Variants in DIAPH3 observed in about 807,000 individuals in gnomAD.
DIAPH3 encodes the protein protein diaphanous homolog 3.
A neutral mutation model predicts 144.3 loss-of-function variants in DIAPH3; 117 were observed. The observed-to-expected ratio is 0.81, with a 90% confidence interval of 0.70 to 0.95. DIAPH3 has a LOEUF of 0.95. Ranked by LOEUF, DIAPH3 falls within the 40% of genes least tolerant of loss-of-function variation. The pLI is 0.00. For synonymous variants in DIAPH3, 519 were observed against 488.9 expected, an observed-to-expected ratio of 1.06 and a Z score of -0.81; for missense variants, 1,421 against 1,412.7, an observed-to-expected ratio of 1.01 and a Z score of -0.09.
chr13:59,905,554 A>G (rs751306108), intron 20 of DIAPH3, among the ~76,000 whole-genome samples: 6 of 152,122 alleles, frequency 3.9e-5, no homozygotes, highest in Non-Finnish European at 5.9e-5. Flanking sequence ...TCCCTGTTAT[A>G]GGCAAAATAA....
chr13:59,774,188 C>T lies in DIAPH3; in HGVS notation c.3319+1G>A, dbSNP rs780930028. The stretch of plus-strand genomic sequence containing the variant: ...TGCAATTTATAAATACGGTTTATTA[C>T]CATGGTTACAAACTTTCAGAACAGG... On this transcript the variant is annotated splice_donor_variant, in intron 27 of 27. Coordinates refer to ENST00000400324, the MANE Select transcript of DIAPH3 (RefSeq NM_001042517.2). LOFTEE classifies it high-confidence loss of function. 16 of 1,612,372 alleles carry T rather than the reference C, an allele frequency of 9.9e-6. No individual in the cohort carries two copies. Among genetic ancestry groups the T allele is most frequent in the African/African-American group, 1.3e-5 (1 of 74,790 alleles).
chr13:59,894,425 T>G (rs1476293606), intron 20 of DIAPH3, among the ~76,000 whole-genome samples: 3 of 151,862 alleles, frequency 2.0e-5, no homozygotes, highest in Non-Finnish European at 4.4e-5. Context: ...GAGAGATCAT[T>G]AATGAGGCCA....
chr13:60,062,595 A>T (rs2056815652), intron 4 of DIAPH3, among the ~76,000 whole-genome samples: 1 of 152,174 alleles, frequency 6.6e-6, no homozygotes, highest in Admixed American at 6.6e-5. Flanking sequence ...TGAACATGTC[A>T]GATTCTTAAG....
intron 27 of DIAPH3, among the ~76,000 whole-genome samples, chr13:59,752,169 G>A (rs1427635777): frequency 6.6e-6 from 1 of 152,082 alleles, no homozygotes; most frequent in Non-Finnish European, 1.5e-5. Flanking sequence ...GCTTTGCATG[G>A]CTTGTTTAAT....
chr13:59,817,876 T>A (rs1162027228), intron 24 of DIAPH3, among the ~76,000 whole-genome samples: 2 of 151,994 alleles, frequency 1.3e-5, no homozygotes, highest in Non-Finnish European at 2.9e-5. Flanking sequence ...CTCCCTTGAC[T>A]AAAATAAAGA....
chr13:59,814,760 G>A (rs144993906), intron 24 of DIAPH3, among the ~76,000 whole-genome samples: 1 of 152,268 alleles, frequency 6.6e-6, no homozygotes. Flanking sequence ...AAACCGCACT[G>A]CCTCCAACTA....
chr13:60,009,079 T>C (rs2053070861), intron 8 of DIAPH3, among the ~76,000 whole-genome samples: 1 of 152,202 alleles, frequency 6.6e-6, no homozygotes, highest in Admixed American at 6.5e-5. Context: ...GTTTATGTGG[T>C]GGGCACCATA....
chr13:59,854,966 G>C (rs1364754317), intron 22 of DIAPH3, among the ~76,000 whole-genome samples: 2 of 152,166 alleles, frequency 1.3e-5, no homozygotes, highest in Non-Finnish European at 2.9e-5. Flanking sequence ...TTCAGGAAAT[G>C]TTCCTAGCTC....
Position 59,939,835 on chromosome 13 carries a change from C to CGTGTGTGTGT in DIAPH3, c.2075-14975_2075-14966dup, listed in dbSNP as rs3220859. Reference sequence around the variant, plus strand: ...ATATGTATCTACAGGGAGAATGAGGCGTGTGTGTGTGTGTGTGTGTGTGTG... The same window carrying CGTGTGTGTGT: ...ATATGTATCTACAGGGAGAATGAGGCGTGTGTGTGTGTGTGTGTGTGTGTGTGTGTGTGTG... On this transcript the variant is annotated intron_variant, in intron 17 of 27. Coordinates refer to ENST00000400324, the MANE Select transcript of DIAPH3 (RefSeq NM_001042517.2). 7.9e-3 allele frequency among the ~76,000 whole-genome samples: 1,155 copies of CGTGTGTGTGT among 146,758 alleles called. 8 individuals carry two copies. The highest frequency in any genetic ancestry group is 8.9e-3 in the East Asian group (43 of 4,820).
intron 4 of DIAPH3, among the ~76,000 whole-genome samples, chr13:60,051,710 G>GA (rs1178383983): frequency 6.6e-6 from 1 of 152,154 alleles, no homozygotes; most frequent in African/African-American, 2.4e-5. Flanking sequence ...CAGCTGCAAG[G>GA]AAAGTTTATC....
At chr13:59,795,074 C>A (rs2039521142) in intron 25 of DIAPH3, among the ~76,000 whole-genome samples, 1 of 152,244 alleles carries the variant, frequency 6.6e-6, no homozygotes, top group South Asian at 2.1e-4. Context: ...CATCTCCTCA[C>A]TCTGTGTGGG....
chr13:59,782,860 C>T (rs2038811109), intron 25 of DIAPH3, among the ~76,000 whole-genome samples: 1 of 152,092 alleles, frequency 6.6e-6, no homozygotes, highest in African/African-American at 2.4e-5. Flanking sequence ...CTAAAGCTGT[C>T]AGGAAAGCTG....
At chr13:60,027,151 C>T (rs1237052363) in intron 5 of DIAPH3, among the ~76,000 whole-genome samples, 1 of 152,168 alleles carries the variant, frequency 6.6e-6, no homozygotes, top group Admixed American at 6.5e-5. Context: ...TGACTAAATA[C>T]TTAAAATGAA....
chr13:59,853,332 T>C (rs2043086333), intron 22 of DIAPH3, among the ~76,000 whole-genome samples: 1 of 152,188 alleles, frequency 6.6e-6, no homozygotes, highest in Non-Finnish European at 1.5e-5. Context: ...CTGATATGGT[T>C]TGGATTTGTG....
At chr13:59,700,623 T>A (rs2034056393) in intron 27 of DIAPH3, among the ~76,000 whole-genome samples, 1 of 152,202 alleles carries the variant, frequency 6.6e-6, no homozygotes, top group South Asian at 2.1e-4. Flanking sequence ...CCTCCATGCC[T>A]CTTTCCATGG....
chr13:59,944,547 T>C (rs572719550), intron 17 of DIAPH3, among the ~76,000 whole-genome samples: 1 of 152,208 alleles, frequency 6.6e-6, no homozygotes, highest in Admixed American at 6.5e-5. Context: ...AACTGGAGAA[T>C]AGGAACACTT....
At chr13:59,672,324 T>G (rs2032418563) in intron 27 of DIAPH3, among the ~76,000 whole-genome samples, 1 of 152,188 alleles carries the variant, frequency 6.6e-6, no homozygotes, top group Non-Finnish European at 1.5e-5. Flanking sequence ...AGTATAAAAT[T>G]GAGCTCCTGT....
intron 21 of DIAPH3, among the ~76,000 whole-genome samples, chr13:59,875,584 C>T (rs1403396535): frequency 6.6e-6 from 1 of 151,984 alleles, no homozygotes; most frequent in African/African-American, 2.4e-5. Flanking sequence ...CTATTCAACA[C>T]GTTTTCCTTT....
chr13:59,749,675 G>C (rs2139107616), intron 27 of DIAPH3, among the ~76,000 whole-genome samples: 1 of 151,038 alleles, frequency 6.6e-6, no homozygotes, highest in African/African-American at 2.4e-5. Flanking sequence ...TCACAAATAA[G>C]AAGTATATAA....
Sources: allele counts gnomAD v4.1 joint callset (sites outside exome capture counted in the v4.1 genomes callset), GRCh38; gene constraint gnomAD v4.1.1; transcripts MANE v1.5; gene names NCBI Gene and HGNC (gene_info 2026-07-23, HGNC 2026-07-21).